The following CLCA1 variants were observed in gnomAD, a reference collection of about 807,000 sequenced individuals.
CLCA1 encodes the protein calcium-activated chloride channel regulator 1.
CLCA1 carries 59 observed loss-of-function variants against 85.6 expected under a neutral mutation model. The observed-to-expected ratio is 0.69, with a 90% CI of 0.56 to 0.86. The LOEUF (loss-of-function observed/expected upper bound fraction) is 0.86, where lower values mean the gene tolerates loss of function less well. Among genes scored for constraint, CLCA1 ranks in the 40% least tolerant of loss-of-function variants. The pLI is 0.00. For synonymous variants in CLCA1, 396 were observed against 398.3 expected, an observed-to-expected ratio of 0.99 and a Z score of 0.07; for missense variants, 1,022 against 1,101.4, an observed-to-expected ratio of 0.93 and a Z score of 1.02.
chr1:86,472,408 G>A (rs1049672619), intron 1 of CLCA1, among the ~76,000 whole-genome samples: 2 of 152,106 alleles, frequency 1.3e-5, no homozygotes, highest in Non-Finnish European at 2.9e-5. Context: ...CCCTTCTGAG[G>A]CCCCTGTATT....
In CLCA1 at chr1:86,486,564, G is replaced by A; in HGVS notation, c.993G>A (p.Gln331=). The change falls in exon 7 of 14, where the codon CAG becomes CAA. Residue 331 remains glutamine (Q), a synonymous_variant. Coordinates refer to ENST00000394711, the MANE Select transcript of CLCA1 (RefSeq NM_001285.4). ...TCAATCGACTGAATCAAGCAGGCCA[G>A]CTTTTCCTGCTGCAGACAGTTGAGC... ...NRLNRLNQAG[Q]LFLLQTVELG... 3.1e-6 allele frequency: 5 copies of A among 1,614,158 alleles called. No individual in the cohort carries two copies. Among genetic ancestry groups the A allele is most frequent in the Non-Finnish European group, 4.2e-6 (5 of 1,180,030 alleles).
At chr1:86,493,970 C>T (rs1340640142) in intron 10 of CLCA1, among the ~76,000 whole-genome samples, 3 of 152,194 alleles carry the variant, frequency 2.0e-5, no homozygotes, top group Non-Finnish European at 4.4e-5. Context: ...CCATCCCCCT[C>T]CCACCCGCCG....
intron 6 of CLCA1, among the ~76,000 whole-genome samples, chr1:86,485,896 A>G (rs1054549045): frequency 2.6e-5 from 4 of 152,196 alleles, no homozygotes; most frequent in Non-Finnish European, 4.4e-5. Flanking sequence ...GAAATACCCA[A>G]GACTGAGTAA....
At chr1:86,471,875 G>A (rs5744314) in intron 1 of CLCA1, among the ~76,000 whole-genome samples, 3,900 of 152,080 alleles carry the variant, frequency 0.026, 151 homozygotes, top group African/African-American at 0.083. Context: ...GGACTTACCC[G>A]TGCACTAACA....
At position 86,486,541 on chromosome 1, in the gene CLCA1, A is replaced by G. The variant is rs1440854715; in HGVS notation, c.970A>G (p.Asn324Asp). The change falls in exon 7 of 14, where the codon AAT becomes GAT. Residue 324 changes from asparagine to aspartate, a missense_variant. Asn to Asp is a conservative substitution (Grantham distance 23). Coordinates refer to ENST00000394711, the MANE Select transcript of CLCA1 (RefSeq NM_001285.4). ...CTCCATTTAGACTGGTAACCGCCTC[A>G]ATCGACTGAATCAAGCAGGCCAGCT... ...SGSMATGNRL[N>D]RLNQAGQLFL... 1.2e-5 allele frequency: 20 copies of G among 1,614,110 alleles called. No homozygotes were observed. Among genetic ancestry groups the G allele is most frequent in the Non-Finnish European group, 1.7e-5 (20 of 1,180,006 alleles).
At chr1:86,475,392 G>A (rs144478392) in intron 3 of CLCA1, among the ~76,000 whole-genome samples, 44 of 152,236 alleles carry the variant, frequency 2.9e-4, no homozygotes, top group African/African-American at 8.7e-4. Flanking sequence ...CTGTACATAA[G>A]TCATTCACTC....
At chr1:86,498,187 G>GAAGGAAGGAAGGAAGGA (rs1648350773) in intron 12 of CLCA1, among the ~76,000 whole-genome samples, 1 of 76,620 alleles carries the variant, frequency 1.3e-5, no homozygotes, top group Non-Finnish European at 3.1e-5. Context: ...AGGAAGGAAG[G>GAAGGAAGGAAGGAAGGA]ATGGAAGGAA....
Position 86,482,261 on chromosome 1 carries a change from G to A in CLCA1, c.614G>A (p.Cys205Tyr). The A allele has an allele frequency of 6.2e-7, 1 of 1,613,920 alleles. No homozygotes were observed. The highest frequency in any genetic ancestry group is 8.5e-7 in the Non-Finnish European group (1 of 1,179,822). ...GTAAAGAAGTGTCAGGGAGGCAGCT[G>A]TTACACCAAAAGATGCACATTCAAT... ...NVVKKCQGGS[C>Y]YTKRCTFNKV... Residue 205 changes from cysteine to tyrosine, a missense_variant, in exon 5 of 14, where the codon TGT becomes TAT. Physicochemically the swap from Cys to Tyr is radical, Grantham distance 194. Coordinates refer to ENST00000394711, the MANE Select transcript of CLCA1 (RefSeq NM_001285.4).
At chr1:86,497,113 T>G (rs913289395) in intron 12 of CLCA1, among the ~76,000 whole-genome samples, 1 of 152,240 alleles carries the variant, frequency 6.6e-6, no homozygotes, top group African/African-American at 2.4e-5. Flanking sequence ...GCATTTTACT[T>G]ACAGTAATAT....
intron 5 of CLCA1, among the ~76,000 whole-genome samples, chr1:86,483,688 TA>T (rs1647880500): frequency 6.6e-6 from 1 of 152,202 alleles, no homozygotes; most frequent in Non-Finnish European, 1.5e-5. Context: ...GTAGATTTAA[TA>T]ATTCAGGTGC....
At chr1:86,477,340 A>G (rs1647699744) in intron 4 of CLCA1, among the ~76,000 whole-genome samples, 2 of 152,206 alleles carry the variant, frequency 1.3e-5, no homozygotes, top group Admixed American at 1.3e-4. Context: ...TATCTGAAAA[A>G]CAATCCAAAT....
In CLCA1 at chr1:86,473,425, G is replaced by A; in HGVS notation, c.171G>A (p.Val57=). The change falls in exon 2 of 14, where the codon GTG becomes GTA. Residue 57 remains valine, a synonymous_variant. Transcript: ENST00000394711. ...TTTCTTTTTCTTCCCAGGACATGGT[G>A]ACCCAGGCATCTCTGTATCTGCTTG... The part of the protein sequence containing the change: ...ETLIQQIKDM[V]TQASLYLLEA... 1 of 1,571,588 alleles carries A rather than the reference G, an allele frequency of 6.4e-7. No homozygotes were observed. Among genetic ancestry groups the A allele is most frequent in the African/African-American group, 1.4e-5 (1 of 73,932 alleles).
At chr1:86,476,602 C>CT (rs1570280598) in intron 4 of CLCA1, 49 bp downstream of exon 4, 5 of 905,408 alleles carry the variant, frequency 5.5e-6, no homozygotes, top group Non-Finnish European at 8.8e-6. Flanking sequence ...AAATTGCAAC[C>CT]TTTTTTTCTT....
intron 7 of CLCA1, among the ~76,000 whole-genome samples, chr1:86,488,078 A>C (rs1472625507): frequency 2.0e-5 from 3 of 152,194 alleles, no homozygotes; most frequent in Non-Finnish European, 4.4e-5. Flanking sequence ...ACAGTGAGTG[A>C]GGCGGAAACC....
intron 12 of CLCA1, 129 bp from the exon 13 acceptor site, chr1:86,498,443 T>C: frequency 1.3e-6 from 1 of 775,036 alleles, no homozygotes; most frequent in East Asian, 2.7e-5. Context: ...TATTTAAAAT[T>C]AATTCTGTGT....
chr1:86,487,957 G>A lies in CLCA1; in HGVS notation c.1183-1039G>A, dbSNP rs146808449. 2.6e-3 allele frequency among the ~76,000 whole-genome samples: 391 copies of A among 152,354 alleles called. 1 individual carries two copies. The highest frequency in any genetic ancestry group is 8.7e-3 in the African/African-American group (361 of 41,586). ...CCTGCAGCTTAGTAAGGCCAAAGCC[G>A]TGATCACAGCTGACAGGCTTCTGGG... On this transcript the variant is annotated intron_variant, in intron 7 of 13. Transcript: ENST00000394711.
rs1648207732 is a variant in CLCA1, at chr1:86,494,045, A to G, written c.1681-142A>G. ...AACACACTGAAGCTCCCCGTGGCTG[A>G]CAGAGTATCAAACATGCACACCTCT... On this transcript the variant is annotated intron_variant, in intron 10 of 13. Transcript: ENST00000394711. 4.4e-6 allele frequency: 4 copies of G among 900,894 alleles called. No individual in the cohort carries two copies. In the South Asian group the frequency reaches 6.8e-5, roughly 15 times the overall value. 55.8% of individuals were successfully genotyped at this position (900,894 alleles called of 1,614,324 possible).
chr1:86,483,784 G>A (rs1019428748), intron 5 of CLCA1, among the ~76,000 whole-genome samples: 7 of 152,146 alleles, frequency 4.6e-5, no homozygotes, highest in Admixed American at 6.5e-5. Flanking sequence ...TTTTGAGGAA[G>A]CAAAATTTAG....
intron 1 of CLCA1, among the ~76,000 whole-genome samples, chr1:86,472,322 G>C (rs980900137): frequency 6.6e-6 from 1 of 152,130 alleles, no homozygotes; most frequent in African/African-American, 2.4e-5. Context: ...AGCAGTGCTT[G>C]ACACCGATGA....
Sources: allele counts gnomAD v4.1 joint callset (sites outside exome capture counted in the v4.1 genomes callset), GRCh38; gene constraint gnomAD v4.1.1; transcripts MANE v1.5; gene names NCBI Gene and HGNC (gene_info 2026-07-23, HGNC 2026-07-21).